VPS16: variants seen among roughly 807,000 people sequenced by gnomAD.
VPS16 encodes vacuolar protein sorting-associated protein 16 homolog.
Under a neutral mutation model 116.0 loss-of-function variants are expected in VPS16, and 82 were observed. The ratio of observed to expected loss-of-function variants is 0.71; its 90% CI spans 0.59 to 0.85. VPS16 has a LOEUF of 0.85. Ranked by LOEUF, VPS16 falls within the 40% of genes least tolerant of loss-of-function variation. The probability of loss-of-function intolerance (pLI) is 0.00; values close to 1 mark genes in which losing one functional copy is unlikely to be tolerated. For synonymous variants in VPS16, 406 were observed against 420.7 expected, an observed-to-expected ratio of 0.96 and a Z score of 0.43; for missense variants, 928 against 1,090.6, an observed-to-expected ratio of 0.85 and a Z score of 2.10.
In VPS16 at chr20:2,865,315, G is replaced by A; in HGVS notation, c.2172G>A (p.Lys724=). Residue 724 remains lysine, a splice_region_variant and synonymous_variant, in exon 21 of 24, where the codon AAG becomes AAA. Coordinates refer to ENST00000380445, the MANE Select transcript of VPS16 (RefSeq NM_022575.4). This position sits in a 1 kb window ranked among gnomAD's most constrained non-coding sequence, Gnocchi z 5.2. The stretch of plus-strand genomic sequence containing the variant: ...CACGTGACTTCCGCATCCCTGACAA[G>A]AGGTAGGTGAGGGCCCAGGCTGCAT... ...QLARDFRIPD[K]RLWWLKLTAL... The A allele has an allele frequency of 1.2e-6, 2 of 1,614,192 alleles. No homozygotes were observed. Among genetic ancestry groups the A allele is most frequent in the Non-Finnish European group, 1.7e-6 (2 of 1,180,030 alleles).
intron 1 of VPS16, among the ~76,000 whole-genome samples, chr20:2,857,529 C>T (rs62207161): frequency 0.2 from 29,002 of 147,530 alleles, 4,246 homozygotes; most frequent in African/African-American, 0.42. Flanking sequence ...TTTTTTGAGA[C>T]GGAGTCTCAC....
Position 2,840,762 on chromosome 20 carries a change from G to T in VPS16, c.-13G>T, listed in dbSNP as rs1461706450. The T allele has an allele frequency of 6.5e-7, 1 of 1,548,052 alleles. No homozygotes were observed. The highest frequency in any genetic ancestry group is 1.2e-5 in the South Asian group (1 of 83,992). On this transcript the variant is annotated 5_prime_UTR_variant, in exon 1 of 24. Coordinates refer to ENST00000380445, the MANE Select transcript of VPS16 (RefSeq NM_022575.4). ...GTCCCCTCGGTGCTTCCCAGCTGCCGTCTGCACCAGCCATGGACTGCTACA... is the reference window on the plus strand; with the variant it reads ...GTCCCCTCGGTGCTTCCCAGCTGCCTTCTGCACCAGCCATGGACTGCTACA...
intron 1 of VPS16, among the ~76,000 whole-genome samples, chr20:2,854,233 G>A (rs73571893): frequency 0.052 from 4,033 of 77,452 alleles, 194 homozygotes; most frequent in African/African-American, 0.26. Context: ...CAGAGACCCC[G>A]TCTCTACACA....
intron 1 of VPS16, among the ~76,000 whole-genome samples, chr20:2,852,238 A>G (rs2089129360): frequency 6.6e-6 from 1 of 152,088 alleles, no homozygotes; most frequent in Non-Finnish European, 1.5e-5. Flanking sequence ...CTGCTGGCTG[A>G]CCACCAACCC....
intron 1 of VPS16, among the ~76,000 whole-genome samples, chr20:2,854,195 G>A (rs182931612): frequency 4.6e-5 from 7 of 150,586 alleles, no homozygotes; most frequent in Non-Finnish European, 7.4e-5. Flanking sequence ...AATCACTTGA[G>A]GCCAGGATTT....
intron 1 of VPS16, chr20:2,841,230 A>G: frequency 4.4e-6 from 1 of 225,960 alleles, no homozygotes; most frequent in Non-Finnish European, 8.9e-6. Context: ...AAGGCTGGGA[A>G]AAGGGGGCGA....
rs150363426 is a variant in VPS16, at chr20:2,854,238, T to TACAC, written c.54-5457_54-5454dup. 2.8e-3 allele frequency among the ~76,000 whole-genome samples: 391 copies of TACAC among 139,904 alleles called. 1 individual carries two copies. Among genetic ancestry groups the TACAC allele is most frequent in the Non-Finnish European group, 3.8e-3 (251 of 65,786 alleles). The allele number at this position is 139,904 out of a possible 152,430, so 91.8% of individuals were successfully genotyped here. On this transcript the variant is annotated intron_variant, in intron 1 of 23. Coordinates refer to ENST00000380445, the MANE Select transcript of VPS16 (RefSeq NM_022575.4). ...AGCCTGGCAACAGAGACCCCGTCTC[T>TACAC]ACACACACACACACACACACACACA...
rs781450688 is a variant in VPS16 at position 2,864,535 on chromosome 20, CT to C, written c.1819-11del. The C allele has an allele frequency of 6.2e-7, 1 of 1,614,160 alleles. No homozygotes were observed. The highest frequency in any genetic ancestry group is 8.5e-7 in the Non-Finnish European group (1 of 1,180,020). ...TTGGCCTTGCTGACTGATTGCCTGC[CT>C]GTGGCCCCAGTTCTGTAAGCATCAG... On this transcript the variant is annotated splice_polypyrimidine_tract_variant and intron_variant, in intron 18 of 23. Transcript: ENST00000380445. This position sits in a 1 kb window ranked among gnomAD's most constrained non-coding sequence, Gnocchi z 5.2.
intron 11 of VPS16, 94 bp downstream of exon 11, chr20:2,862,224 A>C (rs2089236578): frequency 4.2e-6 from 6 of 1,430,600 alleles, no homozygotes; most frequent in African/African-American, 1.4e-5. Context: ...CTGTCAAGAG[A>C]GGGGTCCAGG....
chr20:2,861,947 G>A (rs773093399), intron 10 of VPS16, 48 bp downstream of exon 10: 20 of 1,606,720 alleles, frequency 1.2e-5, no homozygotes, highest in Non-Finnish European at 1.6e-5. Context: ...GGGACTCCTC[G>A]GCACCCCAGC....
At chr20:2,855,764 C>G (rs988649915) in intron 1 of VPS16, among the ~76,000 whole-genome samples, 8 of 152,220 alleles carry the variant, frequency 5.3e-5, no homozygotes, top group African/African-American at 1.9e-4. Flanking sequence ...ATGAACAAAC[C>G]TCTGCTAATT....
intron 1 of VPS16, among the ~76,000 whole-genome samples, chr20:2,843,032 A>G (rs1181118244): frequency 6.6e-6 from 1 of 152,102 alleles, no homozygotes; most frequent in Non-Finnish European, 1.5e-5. Flanking sequence ...TTTAAATGTA[A>G]TTTTTGGTAC....
rs1305872603 is a variant in VPS16, at chr20:2,865,939, GC to G, written c.2272-271del. The stretch of plus-strand genomic sequence containing the variant: ...AAATGTGAGGGCTGGTGGCAGGAAC[GC>G]CTGTTGCAAGGGGTAATGGTGGGTG... On this transcript the variant is annotated intron_variant, in intron 22 of 23. Coordinates refer to ENST00000380445, the MANE Select transcript of VPS16 (RefSeq NM_022575.4). The surrounding 1 kb of genome is among the most constrained non-coding windows in gnomAD (Gnocchi z 5.2). 14 of 510,804 alleles carry G rather than the reference GC, an allele frequency of 2.7e-5. No individual in the cohort carries two copies. Among genetic ancestry groups the G allele is most frequent in the Admixed American group, 6.6e-5 (2 of 30,256 alleles). 31.6% of individuals were successfully genotyped at this position (510,804 alleles called of 1,614,324 possible).
At chr20:2,851,813 C>CA (rs1384837694) in intron 1 of VPS16, among the ~76,000 whole-genome samples, 48 of 151,906 alleles carry the variant, frequency 3.2e-4, no homozygotes, top group Admixed American at 3.0e-3. Flanking sequence ...ACTAAAAATA[C>CA]AAAAAAAATT....
At chr20:2,861,391 A>C in intron 8 of VPS16, 111 bp downstream of exon 8, 1 of 1,537,622 alleles carries the variant, frequency 6.5e-7, no homozygotes, top group Non-Finnish European at 8.9e-7. Context: ...TGGAGTTTGG[A>C]TCTTACCTTC....
intron 1 of VPS16, among the ~76,000 whole-genome samples, chr20:2,842,035 G>A (rs2088981601): frequency 6.6e-6 from 1 of 152,176 alleles, no homozygotes; most frequent in Admixed American, 6.5e-5. Flanking sequence ...GATTACAGGC[G>A]TGAACCACTG....
rs1461815574 is a variant in VPS16 at position 2,860,439 on chromosome 20, C to G, written c.370-10C>G. 9 of 1,614,092 alleles carry G rather than the reference C, an allele frequency of 5.6e-6. No homozygotes were observed. The South Asian group carries it at 9.9e-5, about 18-fold the overall frequency. ...TGTGGCTCCCTTAACCCATGGCCCC[C>G]TTTCCTCAGGAAGTGCTCCAGAACC... On this transcript the variant is annotated splice_polypyrimidine_tract_variant and intron_variant, in intron 4 of 23. Coordinates refer to ENST00000380445, the MANE Select transcript of VPS16 (RefSeq NM_022575.4). This position sits in a 1 kb window ranked among gnomAD's most constrained non-coding sequence, Gnocchi z 6.1.
intron 1 of VPS16, among the ~76,000 whole-genome samples, chr20:2,858,488 TA>T (rs1367915762): frequency 1.3e-5 from 2 of 152,174 alleles, no homozygotes; most frequent in Non-Finnish European, 2.9e-5. Context: ...AACATCTCTT[TA>T]TTTTTTTTTC....
At chr20:2,853,792 C>G (rs1005627011) in intron 1 of VPS16, among the ~76,000 whole-genome samples, 1 of 152,076 alleles carries the variant, frequency 6.6e-6, no homozygotes, top group Admixed American at 6.6e-5. Flanking sequence ...CCTGCCTCAG[C>G]TTACTGATTA....
Sources: allele counts gnomAD v4.1 joint callset (sites outside exome capture counted in the v4.1 genomes callset), GRCh38; gene constraint gnomAD v4.1.1; non-coding constraint Gnocchi (gnomAD v3.1); transcripts MANE v1.5; gene names NCBI Gene and HGNC (gene_info 2026-07-23, HGNC 2026-07-21).